The following NEMF variants were observed in gnomAD, a reference collection of about 807,000 sequenced individuals.
NEMF encodes nuclear export mediator factor.
A neutral mutation model predicts 162.2 loss-of-function variants in NEMF; 89 were observed. The observed-to-expected ratio is 0.55, with a 90% CI of 0.46 to 0.65. The LOEUF (loss-of-function observed/expected upper bound fraction) is 0.65. Ranked by LOEUF, NEMF falls within the 30% of genes least tolerant of loss-of-function variation. The probability of loss-of-function intolerance (pLI) is 0.00; values close to 1 mark genes in which losing one functional copy is unlikely to be tolerated. For missense variants in NEMF, 1,133 were observed against 1,261.9 expected (o/e 0.90, Z 1.55); for synonymous variants, 421 against 404.5 (o/e 1.04, Z -0.49).
chr14:49,820,697 C>G lies in NEMF; in HGVS notation c.1577+5170G>C, dbSNP rs754846743. Among the ~76,000 whole-genome samples, 87 of 152,238 alleles carry G rather than the reference C, an allele frequency of 5.7e-4. 1 individual carries two copies. The highest frequency in any genetic ancestry group is 1.2e-3 in the Non-Finnish European group (83 of 68,014). Reference sequence around the variant, plus strand: ...AAGCTGGACTGTGCTGCTGCCATCTCGGCTCACTGCAACCTCCCTGCCTGA... The same window carrying G: ...AAGCTGGACTGTGCTGCTGCCATCTGGGCTCACTGCAACCTCCCTGCCTGA... On this transcript the variant is annotated intron_variant, in intron 16 of 32. Transcript: ENST00000298310.
chr14:49,846,836 T>G (rs1893527891), intron 3 of NEMF, among the ~76,000 whole-genome samples: 2 of 152,248 alleles, frequency 1.3e-5, no homozygotes, highest in Admixed American at 1.3e-4. Context: ...ATACCACTGC[T>G]AAATTCCTTG....
At chr14:49,792,600 C>CA (rs763800075) in intron 26 of NEMF, among the ~76,000 whole-genome samples, 1 of 152,070 alleles carries the variant, frequency 6.6e-6, no homozygotes, top group Non-Finnish European at 1.5e-5. Flanking sequence ...AATGTAAACA[C>CA]AAAAAACAGG....
At chr14:49,826,061 A>T (rs749112344) in intron 15 of NEMF, 106 bp from the exon 16 acceptor site, 50 of 622,612 alleles carry the variant, frequency 8.0e-5, no homozygotes, top group Non-Finnish European at 1.4e-4. Context: ...AAAATGGCAC[A>T]ATCTACACAC....
At position 49,829,290 on chromosome 14, in the gene NEMF, T is replaced by C. The variant is rs770050454; in HGVS notation, c.1024-28A>G. 1.5e-5 allele frequency: 25 copies of C among 1,612,996 alleles called. 1 individual carries two copies. Among genetic ancestry groups the C allele is most frequent in the Non-Finnish European group, 2.1e-5 (25 of 1,179,174 alleles). On this transcript the variant is annotated intron_variant, in intron 12 of 32. Transcript: ENST00000298310. Reference sequence around the variant, plus strand: ...TAAAAAACAAACCACACACATTTACTACATTGCCAGTTAAAGTTAACATTT... The same window carrying C: ...TAAAAAACAAACCACACACATTTACCACATTGCCAGTTAAAGTTAACATTT...
Position 49,803,276 on chromosome 14 carries a change from T to C in NEMF, c.1876A>G (p.Thr626Ala), listed in dbSNP as rs779489384. The stretch of plus-strand genomic sequence containing the variant: ...CTTCCTGTTGTCAAATATTCTCCAG[T>C]TGGTGCTGTTTTAGATACCTGAAGA... Reference protein sequence around the residue: ...YHHQVSKTAPTGEYLTTGSFM... With the variant: ...YHHQVSKTAPAGEYLTTGSFM... Residue 626 changes from threonine (T) to alanine (A), a missense_variant, in exon 20 of 33, where the codon ACT (threonine) becomes GCT (alanine). By Grantham distance (58) the Thr-to-Ala change is moderately conservative. This residue lies in a region of NEMF where 532 missense variants were observed against 578.6 expected (regional missense o/e 0.92). Coordinates refer to ENST00000298310, the MANE Select transcript of NEMF (RefSeq NM_004713.6). 4 of 1,609,586 alleles carry C rather than the reference T, an allele frequency of 2.5e-6. No homozygotes were observed. In the Admixed American group the frequency reaches 6.7e-5, roughly 27 times the overall value.
At position 49,798,355 on chromosome 14, in the gene NEMF, C is replaced by T. The variant is rs80323178; in HGVS notation, c.2465+1120G>A. On this transcript the variant is annotated intron_variant, in intron 25 of 32. Transcript: ENST00000298310. The stretch of plus-strand genomic sequence containing the variant: ...CCCACTACCACTACAACTGCCATCA[C>T]TCATTGATTTACCAAAAATTGGGTA... Among the ~76,000 whole-genome samples, 86 of 152,304 alleles carry T rather than the reference C, an allele frequency of 5.6e-4. 1 individual carries two copies. In the East Asian group the frequency reaches 0.013, roughly 23 times the overall value.
At chr14:49,848,201 A>G (rs991295134) in intron 3 of NEMF, among the ~76,000 whole-genome samples, 5 of 152,156 alleles carry the variant, frequency 3.3e-5, no homozygotes, top group Non-Finnish European at 7.3e-5. Context: ...TAACCCAAAG[A>G]GAATTTTCCT....
intron 5 of NEMF, 134 bp from the exon 6 acceptor site, chr14:49,838,340 T>C (rs1181679788): frequency 1.8e-5 from 12 of 666,898 alleles, no homozygotes; most frequent in South Asian, 1.2e-4. Context: ...GAATTCATTC[T>C]TCTGTTGTGA....
chr14:49,822,506 G>A (rs1390048608), intron 16 of NEMF, among the ~76,000 whole-genome samples: 2 of 150,802 alleles, frequency 1.3e-5, no homozygotes, highest in South Asian at 2.1e-4. Flanking sequence ...GGGCAACAGA[G>A]CTAGGACTCT....
At chr14:49,815,628 T>C (rs957603547) in intron 16 of NEMF, among the ~76,000 whole-genome samples, 7 of 152,122 alleles carry the variant, frequency 4.6e-5, no homozygotes, top group South Asian at 4.1e-4. Flanking sequence ...GATTTTTTGA[T>C]TGGGTAACAC....
intron 16 of NEMF, among the ~76,000 whole-genome samples, chr14:49,815,657 A>T (rs2076772115): frequency 6.6e-6 from 1 of 152,102 alleles, no homozygotes; most frequent in African/African-American, 2.4e-5. Context: ...GGTTGAATAA[A>T]TTTTTTTACT....
chr14:49,789,151 C>G lies in NEMF; in HGVS notation c.2890G>C (p.Asp964His), dbSNP rs774722348. Residue 964 changes from aspartate (D) to histidine (H), a missense_variant, in exon 28 of 33, where the codon GAC (aspartate) becomes CAC (histidine). Physicochemically the swap from Asp to His is moderately conservative, Grantham distance 81. This residue lies in a region of NEMF where 532 missense variants were observed against 578.6 expected (regional missense o/e 0.92). Transcript: ENST00000298310. ...AGCCCACAAAGTAGCCATACCTTGT[C>G]ATCATGTGGATCATCTACAGCAAAG... ...QDFAVDDPHD[D>H]KEEQDLDQQG... 1.2e-6 allele frequency: 2 copies of G among 1,613,452 alleles called. No individual in the cohort carries two copies. The highest frequency in any genetic ancestry group is 4.5e-5 in the East Asian group (2 of 44,884).
Position 49,799,507 on chromosome 14 carries a change from C to T in NEMF, c.2433G>A (p.Gln811=). ...CCTTGGCTGACAAATGTCTCCGGCT[C>T]TGTGATTTACTGTCACTCTATTAAA... ...ESSNSSDSKS[Q]SRRHLSAKER... Residue 811 remains glutamine, a synonymous_variant, in exon 25 of 33, where the codon CAG becomes CAA. Coordinates refer to ENST00000298310, the MANE Select transcript of NEMF (RefSeq NM_004713.6). 6.2e-7 allele frequency: 1 copy of T among 1,611,916 alleles called. No homozygotes were observed. The highest frequency in any genetic ancestry group is 8.5e-7 in the Non-Finnish European group (1 of 1,179,472).
chr14:49,829,083 T>C lies in NEMF; in HGVS notation c.1203A>G (p.Leu401=), dbSNP rs755988306. ...PVASAIKELK[L]QTNHVTMLLR... is the part of the protein sequence containing the mutation. Reference sequence around the variant, plus strand: ...GCAGCATTGTAACATGGTTTGTTTGTAGTTTTAATTCTTTGATTGCACTTG... The same window carrying C: ...GCAGCATTGTAACATGGTTTGTTTGCAGTTTTAATTCTTTGATTGCACTTG... The change falls in exon 13 of 33, where the codon CTA becomes CTG. Residue 401 remains leucine (L), a synonymous_variant. Transcript: ENST00000298310. The C allele has an allele frequency of 3.7e-6, 6 of 1,614,060 alleles. No individual in the cohort carries two copies. The South Asian group carries it at 5.5e-5, about 15-fold the overall frequency.
At chr14:49,834,522 G>A (rs1316801373) in intron 6 of NEMF, 73 bp from the exon 7 acceptor site, 19 of 1,088,022 alleles carry the variant, frequency 1.7e-5, no homozygotes, top group Non-Finnish European at 2.5e-5. Context: ...TTGAGATGGA[G>A]TTTTACCCGT....
intron 16 of NEMF, among the ~76,000 whole-genome samples, chr14:49,821,652 C>T (rs1296362005): frequency 8.7e-6 from 1 of 114,600 alleles, no homozygotes; most frequent in Admixed American, 8.6e-5. Context: ...CTCAGCCCCC[C>T]GCCCGGCCAG....
intron 16 of NEMF, among the ~76,000 whole-genome samples, chr14:49,822,945 T>C (rs1333281277): frequency 6.6e-6 from 1 of 151,234 alleles, no homozygotes; most frequent in Non-Finnish European, 1.5e-5. Context: ...TTTTTTTTTT[T>C]TTTTTTTTGG....
intron 16 of NEMF, among the ~76,000 whole-genome samples, chr14:49,819,523 T>A (rs1891891603): frequency 6.6e-6 from 1 of 152,058 alleles, no homozygotes; most frequent in African/African-American, 2.4e-5. Context: ...CAAGTGATCC[T>A]CCCACCTCAG....
intron 6 of NEMF, among the ~76,000 whole-genome samples, chr14:49,837,244 C>A: frequency 6.6e-6 from 1 of 152,280 alleles, no homozygotes; most frequent in African/African-American, 2.4e-5. Context: ...CCACTGCACT[C>A]CAGCCTGGTG....
Sources: gnomAD v4.1 joint callset for allele counts (sites outside exome capture counted in the v4.1 genomes callset) on GRCh38, gnomAD v4.1.1 for gene constraint, gnomAD v4.1.1 regional missense constraint, MANE v1.5 for transcripts, NCBI Gene and HGNC (gene_info 2026-07-23, HGNC 2026-07-21) for gene names.